Variants in RALYL observed in about 807,000 individuals in gnomAD.
RALYL encodes the protein RALY RNA binding protein like, also known as RNA-binding Raly-like protein.
In RALYL, 29 loss-of-function variants were observed where a neutral mutation model predicts 35.1. The observed-to-expected ratio is 0.83, with a 90% CI of 0.61 to 1.13. RALYL has a LOEUF of 1.13. Ranked by LOEUF, RALYL falls within the 50% of genes most tolerant of loss-of-function variation. RALYL has a pLI of 0.00. For missense variants in RALYL, 359 were observed against 360.4 expected, an observed-to-expected ratio of 1.00 and a Z score of 0.03; for synonymous variants, 120 against 127.6, an observed-to-expected ratio of 0.94 and a Z score of 0.40.
chr8:84,720,248 C>T (rs1843648390), intron 2 of RALYL, among the ~76,000 whole-genome samples: 1 of 152,138 alleles, frequency 6.6e-6, no homozygotes, highest in Admixed American at 6.6e-5. Context: ...CACTACCTGA[C>T]TTCAAAATAT....
chr8:84,632,437 C>CTT (rs1824117352), intron 2 of RALYL, among the ~76,000 whole-genome samples: 1 of 151,816 alleles, frequency 6.6e-6, no homozygotes. Flanking sequence ...TCTAGAAACT[C>CTT]TGAGTATTTG....
chr8:84,640,343 T>G (rs1357036425), intron 2 of RALYL, among the ~76,000 whole-genome samples: 1 of 152,040 alleles, frequency 6.6e-6, no homozygotes, highest in Admixed American at 6.6e-5. Flanking sequence ...AAGCGAGTTA[T>G]CAGAAAGGCA....
intron 2 of RALYL, among the ~76,000 whole-genome samples, chr8:84,575,443 ATTTAC>A (rs1234953569): frequency 1.2e-4 from 19 of 152,286 alleles, no homozygotes; most frequent in South Asian, 8.3e-4. Context: ...TAATGAAATA[ATTTAC>A]TTTACATTTT....
chr8:84,542,990 C>G (rs528720032), intron 2 of RALYL, among the ~76,000 whole-genome samples: 2 of 152,210 alleles, frequency 1.3e-5, no homozygotes, highest in South Asian at 4.1e-4. Flanking sequence ...CATTTTGACT[C>G]CATTGAAAGA....
chr8:84,650,052 G>A (rs1222999772), intron 2 of RALYL, among the ~76,000 whole-genome samples: 3 of 152,070 alleles, frequency 2.0e-5, no homozygotes, highest in East Asian at 1.9e-4. Flanking sequence ...AATTGTGAAT[G>A]GGAGTTCACT....
intron 2 of RALYL, among the ~76,000 whole-genome samples, chr8:84,750,892 T>C (rs1273738824): frequency 6.6e-6 from 1 of 152,118 alleles, no homozygotes; most frequent in Non-Finnish European, 1.5e-5. Context: ...TCTTCATACT[T>C]TACCTAGTTT....
At chr8:84,837,781 G>C (rs1365324062) in intron 4 of RALYL, among the ~76,000 whole-genome samples, 2 of 152,112 alleles carry the variant, frequency 1.3e-5, no homozygotes, top group Non-Finnish European at 2.9e-5. Context: ...AATTAGTAAA[G>C]GTGTACTGGA....
chr8:84,602,668 A>G (rs1266636657), intron 2 of RALYL, among the ~76,000 whole-genome samples: 2 of 152,132 alleles, frequency 1.3e-5, no homozygotes, highest in Non-Finnish European at 2.9e-5. Flanking sequence ...TATCTATCCT[A>G]TCACTTGCAT....
chr8:84,698,984 G>A (rs1839686624), intron 2 of RALYL, among the ~76,000 whole-genome samples: 1 of 149,394 alleles, frequency 6.7e-6, no homozygotes, highest in African/African-American at 2.5e-5. Flanking sequence ...ACAACCCTGT[G>A]GCTTTTAAGA....
At chr8:84,605,049 T>C (rs1335437339) in intron 2 of RALYL, among the ~76,000 whole-genome samples, 1 of 152,142 alleles carries the variant, frequency 6.6e-6, no homozygotes, top group Admixed American at 6.6e-5. Context: ...CTTGAAAAGA[T>C]GAATTTTTAT....
intron 2 of RALYL, among the ~76,000 whole-genome samples, chr8:84,738,635 A>G (rs1055481948): frequency 3.9e-5 from 6 of 152,040 alleles, no homozygotes; most frequent in African/African-American, 1.4e-4. Flanking sequence ...ATCGTTATAT[A>G]TTACTATCAA....
chr8:84,309,070 A>G (rs1183433137), intron 1 of RALYL, among the ~76,000 whole-genome samples: 2 of 151,652 alleles, frequency 1.3e-5, no homozygotes, highest in East Asian at 1.9e-4. Context: ...CAAGCAATAT[A>G]TCAACATCCA....
intron 1 of RALYL, among the ~76,000 whole-genome samples, chr8:84,202,444 C>T (rs1817087632): frequency 7.0e-6 from 1 of 143,380 alleles, no homozygotes; most frequent in Non-Finnish European, 1.5e-5. Context: ...GCAATCTTGG[C>T]TCACTGCAAC....
intron 2 of RALYL, among the ~76,000 whole-genome samples, chr8:84,722,769 T>A (rs954062539): frequency 4.0e-5 from 6 of 149,860 alleles, no homozygotes; most frequent in Admixed American, 6.7e-5. Context: ...ACTTTACATA[T>A]GGATACACAT....
chr8:84,365,281 C>T (rs1274245219), intron 1 of RALYL, among the ~76,000 whole-genome samples: 1 of 152,108 alleles, frequency 6.6e-6, no homozygotes, highest in Non-Finnish European at 1.5e-5. Context: ...ATTGAAGACA[C>T]AAATATTTCA....
chr8:84,520,950 C>T (rs1025266304), intron 1 of RALYL, among the ~76,000 whole-genome samples: 2 of 152,124 alleles, frequency 1.3e-5, no homozygotes, highest in African/African-American at 4.8e-5. Context: ...ATCACATTGC[C>T]TCTTATGGCT....
At chr8:84,659,704 C>T (rs1440752279) in intron 2 of RALYL, among the ~76,000 whole-genome samples, 2 of 152,094 alleles carry the variant, frequency 1.3e-5, no homozygotes, top group Non-Finnish European at 2.9e-5. Context: ...GATCATGTGG[C>T]TTTACCTAGT....
At chr8:84,301,057 C>G (rs1195632513) in intron 1 of RALYL, among the ~76,000 whole-genome samples, 1 of 152,004 alleles carries the variant, frequency 6.6e-6, no homozygotes, top group Non-Finnish European at 1.5e-5. Context: ...TGTAAGGTAC[C>G]TCTTATGAGG....
chr8:84,444,721 A>G (rs996641030), intron 1 of RALYL, among the ~76,000 whole-genome samples: 2 of 152,120 alleles, frequency 1.3e-5, no homozygotes, highest in Non-Finnish European at 2.9e-5. Flanking sequence ...TGCAAAAAAC[A>G]ATAGGAATGA....
Sources: allele counts gnomAD v4.1 joint callset (sites outside exome capture counted in the v4.1 genomes callset), GRCh38; gene constraint gnomAD v4.1.1; transcripts MANE v1.5; gene names NCBI Gene and HGNC (gene_info 2026-07-23, HGNC 2026-07-21).